FRAS1: variants seen among roughly 807,000 people sequenced by gnomAD.
FRAS1 encodes extracellular matrix organizing protein FRAS1.
Under a neutral mutation model 435.2 loss-of-function variants are expected in FRAS1, and 290 were observed. The ratio of observed to expected loss-of-function variants is 0.67; its 90% CI spans 0.61 to 0.73. The LOEUF (loss-of-function observed/expected upper bound fraction) is 0.73, where lower values mean the gene tolerates loss of function less well. Ranked by LOEUF, FRAS1 falls within the 30% of genes least tolerant of loss-of-function variation. FRAS1 has a pLI of 0.00. For missense variants in FRAS1, 4,860 were observed against 5,001.5 expected (o/e 0.97, Z 0.85); for synonymous variants, 1,800 against 1,851.0 (o/e 0.97, Z 0.71).
intron 15 of FRAS1, among the ~76,000 whole-genome samples, chr4:78,310,721 A>G (rs532477700): frequency 9.8e-5 from 15 of 152,356 alleles, no homozygotes; most frequent in African/African-American, 2.9e-4. Flanking sequence ...TCACAGAAAT[A>G]TGTTCTAAAA....
chr4:78,312,682 A>T (rs2110227615), intron 15 of FRAS1, among the ~76,000 whole-genome samples: 1 of 151,962 alleles, frequency 6.6e-6, no homozygotes, highest in African/African-American at 2.4e-5. Context: ...AAAAAAAAAA[A>T]TTAGCCAGGT....
At chr4:78,381,370 C>G (rs1054409293) in intron 27 of FRAS1, among the ~76,000 whole-genome samples, 7 of 152,202 alleles carry the variant, frequency 4.6e-5, no homozygotes, top group Non-Finnish European at 8.8e-5. Flanking sequence ...GTGGCACGAT[C>G]TTGGCTCACT....
intron 2 of FRAS1, among the ~76,000 whole-genome samples, chr4:78,136,754 A>G (rs976392471): frequency 6.6e-6 from 1 of 152,192 alleles, no homozygotes; most frequent in Non-Finnish European, 1.5e-5. Flanking sequence ...TTTGTGTGCC[A>G]TTGGGAGAGT....
intron 47 of FRAS1, among the ~76,000 whole-genome samples, chr4:78,454,061 G>A (rs541118562): frequency 2.6e-5 from 4 of 152,176 alleles, no homozygotes; most frequent in African/African-American, 9.6e-5. Context: ...AGAAGGAAGG[G>A]TATTCCTGGG....
At chr4:78,145,836 C>T (rs916746373) in intron 2 of FRAS1, among the ~76,000 whole-genome samples, 1 of 152,030 alleles carries the variant, frequency 6.6e-6, no homozygotes, top group Admixed American at 6.6e-5. Flanking sequence ...GGGGCGGTTT[C>T]CCCCATTCTG....
intron 26 of FRAS1, among the ~76,000 whole-genome samples, chr4:78,377,169 T>C (rs759559303): frequency 1.9e-4 from 29 of 152,212 alleles, no homozygotes; most frequent in Admixed American, 7.2e-4. Flanking sequence ...TCTGAGTGTT[T>C]GTTGGCTTTT....
chr4:78,271,775 A>G (rs2110162522), intron 9 of FRAS1, among the ~76,000 whole-genome samples: 1 of 152,268 alleles, frequency 6.6e-6, no homozygotes, highest in East Asian at 1.9e-4. Flanking sequence ...CAATAAACAT[A>G]CGTGTGCATG....
At chr4:78,390,165 C>T (rs1350953038) in intron 29 of FRAS1, among the ~76,000 whole-genome samples, 1 of 152,138 alleles carries the variant, frequency 6.6e-6, no homozygotes, top group African/African-American at 2.4e-5. Context: ...TTCCTTATAT[C>T]TCTTTTACTG....
At chr4:78,240,211 G>A (rs1047957960) in intron 3 of FRAS1, among the ~76,000 whole-genome samples, 1 of 152,120 alleles carries the variant, frequency 6.6e-6, no homozygotes, top group African/African-American at 2.4e-5. Context: ...GTGTAAGGGT[G>A]GAATGTCTGG....
intron 40 of FRAS1, 82 bp from the exon 41 acceptor site, chr4:78,441,080 G>A: frequency 7.0e-7 from 1 of 1,434,020 alleles, no homozygotes. Context: ...AGGTCACCCA[G>A]GCAGCACTTT....
At chr4:78,067,739 C>T (rs1320725821) in intron 2 of FRAS1, among the ~76,000 whole-genome samples, 2 of 145,296 alleles carry the variant, frequency 1.4e-5, no homozygotes, top group Non-Finnish European at 3.0e-5. Context: ...CGCTCTGTCA[C>T]CCAGGCTGGA....
chr4:78,167,948 T>G (rs1002357179), intron 2 of FRAS1, among the ~76,000 whole-genome samples: 20 of 152,224 alleles, frequency 1.3e-4, no homozygotes, highest in African/African-American at 4.8e-4. Flanking sequence ...CTCCATTGCC[T>G]TCTTATATAA....
chr4:78,144,977 A>C lies in FRAS1; in HGVS notation c.108+78961A>C, dbSNP rs1005453367. 2.6e-5 allele frequency among the ~76,000 whole-genome samples: 4 copies of C among 152,318 alleles called. No individual in the cohort carries two copies. The East Asian group carries it at 7.7e-4, about 29-fold the overall frequency. ...TCACTGATTTATTTTCTTAGGATAA[A>C]TACCTGGAAATGAAATTGCTGGAAG... On this transcript the variant is annotated intron_variant, in intron 2 of 73. Coordinates refer to ENST00000512123, the MANE Select transcript of FRAS1 (RefSeq NM_025074.7).
At chr4:78,094,291 G>T (rs777929296) in intron 2 of FRAS1, among the ~76,000 whole-genome samples, 2 of 151,832 alleles carry the variant, frequency 1.3e-5, no homozygotes, top group Non-Finnish European at 2.9e-5. Context: ...GAAAATGTTG[G>T]CAAATGATTG....
At chr4:78,428,695 GAAT>G (rs1560721787) in intron 35 of FRAS1, among the ~76,000 whole-genome samples, 1 of 152,094 alleles carries the variant, frequency 6.6e-6, no homozygotes, top group Non-Finnish European at 1.5e-5. Context: ...TATTTATTTG[GAAT>G]AATAAGGGAA....
At chr4:78,206,369 C>T (rs183783902) in intron 2 of FRAS1, among the ~76,000 whole-genome samples, 123 of 152,216 alleles carry the variant, frequency 8.1e-4, no homozygotes, top group Non-Finnish European at 1.6e-3. Flanking sequence ...GTTCTCCCCT[C>T]GGAGCCTTAA....
chr4:78,389,458 C>CT (rs1183400080), intron 29 of FRAS1, among the ~76,000 whole-genome samples: 3 of 152,184 alleles, frequency 2.0e-5, no homozygotes, highest in African/African-American at 7.2e-5. Context: ...AGTTTCCTGT[C>CT]TCGTTATTTT....
At chr4:78,065,083 T>TATATATATATATATACACAC (rs1383890164) in intron 1 of FRAS1, among the ~76,000 whole-genome samples, 4 of 140,596 alleles carry the variant, frequency 2.8e-5, no homozygotes, top group East Asian at 2.1e-4. Context: ...TATATATATA[T>TATATATATATATATACACAC]ACATACACAC....
At chr4:78,226,963 A>G (rs1158165061) in intron 2 of FRAS1, among the ~76,000 whole-genome samples, 2 of 152,140 alleles carry the variant, frequency 1.3e-5, no homozygotes, top group African/African-American at 4.8e-5. Context: ...CCGTTAAGCA[A>G]AATTAATTTT....
Sources: allele counts gnomAD v4.1 joint callset (sites outside exome capture counted in the v4.1 genomes callset), GRCh38; gene constraint gnomAD v4.1.1; transcripts MANE v1.5; gene names NCBI Gene and HGNC (gene_info 2026-07-23, HGNC 2026-07-21).